Variants in DMXL1 observed in about 807,000 individuals in gnomAD.
The protein encoded by DMXL1 is Dmx like 1.
A neutral mutation model predicts 319.2 loss-of-function variants in DMXL1; 99 were observed. That is an observed-to-expected ratio of 0.31 (90% confidence interval 0.26 to 0.37). The LOEUF is 0.37. Ranked by LOEUF, DMXL1 falls within the 10% of genes least tolerant of loss-of-function variation. DMXL1 has a pLI of 1.00. For synonymous variants in DMXL1, 1,385 were observed against 1,235.2 expected, an observed-to-expected ratio of 1.12 and a Z score of -2.54; for missense variants, 3,745 against 3,595.6, an observed-to-expected ratio of 1.04 and a Z score of -1.06.
chr5:119,074,004 C>G (rs745606394), intron 1 of DMXL1, among the ~76,000 whole-genome samples: 1 of 151,972 alleles, frequency 6.6e-6, no homozygotes, highest in African/African-American at 2.4e-5. Flanking sequence ...CTGCAACTTC[C>G]GCCTCCTGTG....
At position 119,244,363 on chromosome 5, in the gene DMXL1, T is replaced by G. The variant is rs766113047; in HGVS notation, c.8709T>G (p.Phe2903Leu). The change falls in exon 43 of 44, where the codon TTT becomes TTG. Residue 2903 changes from phenylalanine (F) to leucine (L), a missense_variant. Phe to Leu is a conservative substitution (Grantham distance 22). Transcript: ENST00000539542. The part of the protein sequence containing the change: ...VAPANSLVHA[F>L]TCHDSGATVL... The stretch of plus-strand genomic sequence containing the variant: ...TTTTTTTTAATTTACTTTCAGCATT[T>G]ACCTGCCATGACAGTGGAGCCACAG... 1 of 1,610,244 alleles carries G rather than the reference T, an allele frequency of 6.2e-7. No individual in the cohort carries two copies. The highest frequency in any genetic ancestry group is 8.5e-7 in the Non-Finnish European group (1 of 1,178,584).
Position 119,167,587 on chromosome 5 carries a change from AT to A in DMXL1, c.5137-15del. The stretch of plus-strand genomic sequence containing the variant: ...ACCTGCTCCTGCTTATTTAAAAACA[AT>A]ATTTTTTTTTAAAGGTATGTCTTGA... On this transcript the variant is annotated splice_polypyrimidine_tract_variant and intron_variant, in intron 22 of 43. Transcript: ENST00000539542. 6.5e-7 allele frequency: 1 copy of A among 1,541,410 alleles called. No homozygotes were observed. The highest frequency in any genetic ancestry group is 8.7e-7 in the Non-Finnish European group (1 of 1,144,706).
chr5:119,119,979 C>T (rs1263765985), intron 8 of DMXL1, among the ~76,000 whole-genome samples: 3 of 151,656 alleles, frequency 2.0e-5, no homozygotes, highest in African/African-American at 7.3e-5. Context: ...TTCCCGGGTT[C>T]AAGCAGTAGT....
At chr5:119,165,546 A>G (rs1440927334) in intron 21 of DMXL1, among the ~76,000 whole-genome samples, 3 of 152,246 alleles carry the variant, frequency 2.0e-5, no homozygotes, top group Non-Finnish European at 4.4e-5. Context: ...TTATGCTCCT[A>G]TAAAACAAAG....
At position 119,133,791 on chromosome 5, in the gene DMXL1, A is replaced by C. The variant is rs199520385; in HGVS notation, c.1867A>C (p.Thr623Pro). The change falls in exon 12 of 44, where the codon ACT becomes CCT. Residue 623 changes from threonine (T) to proline (P), a missense_variant. By Grantham distance (38) the Thr-to-Pro change is conservative. Around this residue, in one of 4 missense-constraint regions of DMXL1, gnomAD observed 2,096 missense variants for 1,985.4 expected, o/e 1.06. Transcript: ENST00000539542. ...VSFAEESAFSTVLSISHKSRY... is the reference protein window; with the variant it reads ...VSFAEESAFSPVLSISHKSRY... ...TTTTGCCGAGGAATCTGCTTTTTCTACTGTTCTCAGTATTTCCCACAAATC... is the reference window on the plus strand; with the variant it reads ...TTTTGCCGAGGAATCTGCTTTTTCTCCTGTTCTCAGTATTTCCCACAAATC... 1 of 1,614,040 alleles carries C rather than the reference A, an allele frequency of 6.2e-7. No homozygotes were observed. The highest frequency in any genetic ancestry group is 8.5e-7 in the Non-Finnish European group (1 of 1,180,004).
chr5:119,248,283 C>T lies in DMXL1; in HGVS notation c.*1064C>T, dbSNP rs1417842550. ...CTATTTAGAAATGTAAAATACTCTC[C>T]AGATCTACCATTAATAGAAAATAAA... On this transcript the variant is annotated 3_prime_UTR_variant, in exon 44 of 44. Coordinates refer to ENST00000539542, the MANE Select transcript of DMXL1 (RefSeq NM_001290321.3). The T allele has an allele frequency of 1.3e-5, 2 of 152,348 alleles. No homozygotes were observed. Among genetic ancestry groups the T allele is most frequent in the Non-Finnish European group, 2.9e-5 (2 of 67,904 alleles). 9.4% of individuals were successfully genotyped at this position (152,348 alleles called of 1,614,324 possible).
intron 28 of DMXL1, among the ~76,000 whole-genome samples, chr5:119,188,643 C>T (rs1208305968): frequency 6.6e-6 from 1 of 152,200 alleles, no homozygotes; most frequent in East Asian, 1.9e-4. Context: ...AAAATTTGCA[C>T]ATTTAATCTC....
At chr5:119,093,039 T>G (rs1755141724) in intron 1 of DMXL1, among the ~76,000 whole-genome samples, 1 of 152,212 alleles carries the variant, frequency 6.6e-6, no homozygotes, top group Non-Finnish European at 1.5e-5. Flanking sequence ...TTTCCCTTAT[T>G]GCACTTCAAG....
At position 119,085,389 on chromosome 5, in the gene DMXL1, A is replaced by AT. The variant is rs554505195; in HGVS notation, c.88-12584dup. 9.9e-5 allele frequency among the ~76,000 whole-genome samples: 15 copies of AT among 151,286 alleles called. No homozygotes were observed. In the South Asian group the frequency reaches 1.3e-3, roughly 13 times the overall value. ...ATATAATAATAATAATTAATTCTGGATTTTTTCTGTTCTTCGTAGCTATTG... is the reference window on the plus strand; with the variant it reads ...ATATAATAATAATAATTAATTCTGGATTTTTTTCTGTTCTTCGTAGCTATTG... On this transcript the variant is annotated intron_variant, in intron 1 of 43. Transcript: ENST00000539542.
At chr5:119,154,807 T>G (rs778268331) in intron 19 of DMXL1, 1 of 152,258 alleles carries the variant, frequency 6.6e-6, no homozygotes, top group South Asian at 2.1e-4. Flanking sequence ...ATCTAGGACT[T>G]TCGTAGTTAG....
At chr5:119,216,522 A>C (rs1327207494) in intron 34 of DMXL1, among the ~76,000 whole-genome samples, 2 of 152,208 alleles carry the variant, frequency 1.3e-5, no homozygotes, top group African/African-American at 2.4e-5. Flanking sequence ...AATATTGACT[A>C]TCTGACCTTT....
At chr5:119,093,433 GCC>G (rs1276828366) in intron 1 of DMXL1, among the ~76,000 whole-genome samples, 1 of 152,016 alleles carries the variant, frequency 6.6e-6, no homozygotes, top group Admixed American at 6.6e-5. Context: ...ACCATGCCTG[GCC>G]CCTTTTAAAA....
At chr5:119,087,730 T>G (rs1413053757) in intron 1 of DMXL1, among the ~76,000 whole-genome samples, 4 of 152,214 alleles carry the variant, frequency 2.6e-5, no homozygotes, top group Admixed American at 1.3e-4. Flanking sequence ...TGTCTATTAC[T>G]GAGAGTGGGG....
At chr5:119,136,651 A>T (rs936670018) in intron 13 of DMXL1, among the ~76,000 whole-genome samples, 2 of 152,240 alleles carry the variant, frequency 1.3e-5, no homozygotes, top group African/African-American at 4.8e-5. Flanking sequence ...CCTGCCTCCC[A>T]GCTGCTCTAG....
At position 119,237,340 on chromosome 5, in the gene DMXL1, G is replaced by A; in HGVS notation, c.8485G>A (p.Asp2829Asn). The A allele has an allele frequency of 1.3e-6, 2 of 1,593,922 alleles. No homozygotes were observed. Among genetic ancestry groups the A allele is most frequent in the South Asian group, 1.1e-5 (1 of 87,906 alleles). Residue 2829 changes from aspartate to asparagine, a missense_variant, in exon 40 of 44, where the codon GAT (aspartate) becomes AAT (asparagine). Asp to Asn is a conservative substitution (Grantham distance 23). Coordinates refer to ENST00000539542, the MANE Select transcript of DMXL1 (RefSeq NM_001290321.3). The part of the protein sequence containing the change: ...QGNKFGIVDA[D>N]GYLSLYQTNW... Reference sequence around the variant, plus strand: ...CTCTAAGTTTGGAATAGTTGATGCTGATGGATATTTAAGTTTGTATCAAAC... The same window carrying A: ...CTCTAAGTTTGGAATAGTTGATGCTAATGGATATTTAAGTTTGTATCAAAC...
intron 11 of DMXL1, 42 bp from the exon 12 acceptor site, chr5:119,133,452 A>G (rs138371321): frequency 1.3e-6 from 2 of 1,574,264 alleles, no homozygotes; most frequent in African/African-American, 1.4e-5. Flanking sequence ...ATACCTCTTT[A>G]TATAATTTTA....
At chr5:119,181,888 G>T (rs1287986182) in intron 28 of DMXL1, among the ~76,000 whole-genome samples, 1 of 152,158 alleles carries the variant, frequency 6.6e-6, no homozygotes, top group Non-Finnish European at 1.5e-5. Context: ...CGAAGGTCCT[G>T]TGGAGTACGG....
intron 3 of DMXL1, chr5:119,102,246 T>G (rs995625358): frequency 1.3e-5 from 4 of 302,532 alleles, no homozygotes; most frequent in African/African-American, 2.2e-5. Context: ...ATTTTTAATT[T>G]TATAATATTT....
intron 13 of DMXL1, among the ~76,000 whole-genome samples, chr5:119,136,059 G>C (rs1048520837): frequency 6.6e-6 from 1 of 152,238 alleles, no homozygotes; most frequent in African/African-American, 2.4e-5. Context: ...CCAAAATGCT[G>C]ATAGTGATAC....
Sources: allele counts gnomAD v4.1 joint callset (sites outside exome capture counted in the v4.1 genomes callset), GRCh38; gene constraint gnomAD v4.1.1; regional missense constraint gnomAD v4.1.1; transcripts MANE v1.5; gene names NCBI Gene and HGNC (gene_info 2026-07-23, HGNC 2026-07-21).